The following RBFOX1 variants were observed in gnomAD, a reference collection of about 807,000 sequenced individuals.
RBFOX1 encodes RNA binding protein fox-1 homolog 1.
A neutral mutation model predicts 57.7 loss-of-function variants in RBFOX1; 8 were observed. The observed-to-expected ratio is 0.14, with a 90% CI of 0.08 to 0.25. The LOEUF is 0.25. Among genes scored for constraint, RBFOX1 ranks in the 10% least tolerant of loss-of-function variants. RBFOX1 has a pLI of 1.00. For missense variants in RBFOX1, 611 were observed against 548.5 expected (o/e 1.11, Z -1.14); for synonymous variants, 326 against 222.4 (o/e 1.47, Z -4.15).
At chr16:7,471,316 G>A (rs959078360) in intron 4 of RBFOX1, among the ~76,000 whole-genome samples, 1 of 152,100 alleles carries the variant, frequency 6.6e-6, no homozygotes, top group Non-Finnish European at 1.5e-5. Flanking sequence ...TACCTTGTGA[G>A]TATATCCATA....
chr16:6,450,546 G>T (rs932800809), intron 2 of RBFOX1, among the ~76,000 whole-genome samples: 1 of 150,844 alleles, frequency 6.6e-6, no homozygotes, highest in Admixed American at 6.7e-5. Flanking sequence ...AACATGGAGT[G>T]CTTTGAGGTT....
At chr16:7,194,589 T>G (rs764960487) in intron 4 of RBFOX1, among the ~76,000 whole-genome samples, 7 of 152,166 alleles carry the variant, frequency 4.6e-5, no homozygotes, top group Non-Finnish European at 8.8e-5. Context: ...CCATTCTGTT[T>G]TCTACCCCTT....
At chr16:6,018,673 A>G (rs7192159), upstream of RBFOX1, among the ~76,000 whole-genome samples, 170 of 152,230 alleles carry the variant, frequency 1.1e-3, no homozygotes, top group African/African-American at 3.9e-3. Flanking sequence ...AGATTTGAAG[A>G]CTTGCCAGAA....
At position 7,023,564 on chromosome 16, in the gene RBFOX1, T is replaced by TAAAAAAAAAAAAAAAAAAAA. The variant is rs34056673; in HGVS notation, c.-15-28482_-15-28463dup. 3.7e-3 allele frequency among the ~76,000 whole-genome samples: 161 copies of TAAAAAAAAAAAAAAAAAAAA among 43,918 alleles called. 14 individuals are homozygous for TAAAAAAAAAAAAAAAAAAAA. Among genetic ancestry groups the TAAAAAAAAAAAAAAAAAAAA allele is most frequent in the African/African-American group, 8.6e-3 (96 of 11,186 alleles). 28.8% of individuals were successfully genotyped at this position (43,918 alleles called of 152,430 possible). A position where few individuals can be genotyped will look rare whatever the true frequency, so the allele number is the denominator to read the frequency against. ...CAACATGGTGAAACTTCGTCTGTAC[T>TAAAAAAAAAAAAAAAAAAAA]AAAAAAAAAAAAAAAAAAAAAAAAA... On this transcript the variant is annotated intron_variant, in intron 3 of 15. Transcript: ENST00000550418.
chr16:5,720,860 A>G (rs999168763), intron 3 of RBFOX1, among the ~76,000 whole-genome samples: 5 of 152,182 alleles, frequency 3.3e-5, no homozygotes, highest in Non-Finnish European at 5.9e-5. Context: ...TAAATTGGGA[A>G]GTGTGAGTCT....
chr16:7,419,660 T>C (rs2098520546), intron 4 of RBFOX1, among the ~76,000 whole-genome samples: 1 of 152,240 alleles, frequency 6.6e-6, no homozygotes, highest in South Asian at 2.1e-4. Context: ...AGTTCTTTTA[T>C]CTTTCTTCAA....
chr16:6,229,534 C>T lies in RBFOX1; in HGVS notation c.-126-87461C>T, dbSNP rs144731624. 8.6e-3 allele frequency among the ~76,000 whole-genome samples: 1,305 copies of T among 152,146 alleles called. 12 individuals carry two copies. The highest frequency in any genetic ancestry group is 0.027 in the African/African-American group (1,128 of 41,516). On this transcript the variant is annotated intron_variant, in intron 1 of 15. Coordinates refer to ENST00000550418, the MANE Select transcript of RBFOX1 (RefSeq NM_018723.4). The stretch of plus-strand genomic sequence containing the variant: ...CAATAAAGGATTTTGCTTTTTTGAG[C>T]CGCTCATAAAAAGAGATAAATTGCT...
At chr16:7,508,093 T>A (rs1265650896) in intron 4 of RBFOX1, among the ~76,000 whole-genome samples, 1 of 151,954 alleles carries the variant, frequency 6.6e-6, no homozygotes, top group African/African-American at 2.4e-5. Context: ...TTCAAGCGAT[T>A]CTCGTGCCTC....
chr16:5,692,803 G>T (rs188711711), intron 3 of RBFOX1, among the ~76,000 whole-genome samples: 1 of 152,140 alleles, frequency 6.6e-6, no homozygotes, highest in African/African-American at 2.4e-5. Context: ...GTCCAGGCAA[G>T]AGGGTTGTGC....
At position 5,522,394 on chromosome 16, in the gene RBFOX1, G is replaced by T. The variant is rs996950653; in HGVS notation, c.258+55140G>T. On this transcript the variant is annotated intron_variant, in intron 2 of 2. Coordinates refer to the RBFOX1 transcript ENST00000585867. Reference sequence around the variant, plus strand: ...GAGGAAACGGTGGAGCATCTGTTTAGGAAGCCACATTTTTTAACTGATACA... The same window carrying T: ...GAGGAAACGGTGGAGCATCTGTTTATGAAGCCACATTTTTTAACTGATACA... Among the ~76,000 whole-genome samples the T allele has an allele frequency of 2.0e-5, 3 of 152,190 alleles. No homozygotes were observed. In the East Asian group the frequency reaches 5.8e-4, roughly 29 times the overall value.
At chr16:6,892,111 C>T (rs748139579) in intron 3 of RBFOX1, among the ~76,000 whole-genome samples, 1 of 152,148 alleles carries the variant, frequency 6.6e-6, no homozygotes, top group Non-Finnish European at 1.5e-5. Flanking sequence ...CACGTTGACT[C>T]TTACCCAAGT....
intron 3 of RBFOX1, among the ~76,000 whole-genome samples, chr16:6,682,409 C>T (rs894227013): frequency 1.3e-5 from 2 of 148,468 alleles, no homozygotes; most frequent in Non-Finnish European, 3.0e-5. Flanking sequence ...ATTGTGAAGA[C>T]TAAAAAAAAA....
chr16:7,029,057 TATATATATATATATATATATATATACAC>T (rs1475332305), intron 3 of RBFOX1, among the ~76,000 whole-genome samples: 26 of 21,572 alleles, frequency 1.2e-3, no homozygotes, highest in African/African-American at 6.5e-3. Flanking sequence ...TATATATATA[TATATATATATATATATATATATATACAC>T]ACACACACAC....
chr16:6,978,336 A>G (rs1001148361), intron 3 of RBFOX1, among the ~76,000 whole-genome samples: 1 of 152,190 alleles, frequency 6.6e-6, no homozygotes, highest in Non-Finnish European at 1.5e-5. Flanking sequence ...CCGGTGCTCT[A>G]TTTTGGGCTG....
At chr16:6,047,647 G>T (rs952038840) in intron 1 of RBFOX1, among the ~76,000 whole-genome samples, 1 of 152,182 alleles carries the variant, frequency 6.6e-6, no homozygotes, top group African/African-American at 2.4e-5. Flanking sequence ...TCCCCAAATG[G>T]AATGGTTCAG....
intron 4 of RBFOX1, among the ~76,000 whole-genome samples, chr16:7,492,269 C>T (rs1186223350): frequency 6.6e-6 from 1 of 152,106 alleles, no homozygotes; most frequent in Non-Finnish European, 1.5e-5. Flanking sequence ...TGCAGATTAG[C>T]AGAGAGAATG....
At chr16:6,531,458 T>G (rs906783195) in intron 2 of RBFOX1, among the ~76,000 whole-genome samples, 5 of 152,220 alleles carry the variant, frequency 3.3e-5, no homozygotes, top group Non-Finnish European at 7.3e-5. Context: ...ATGTCCTGAT[T>G]ATGATTACAT....
intron 4 of RBFOX1, among the ~76,000 whole-genome samples, chr16:7,246,070 A>G (rs1294695469): frequency 6.6e-6 from 1 of 152,108 alleles, no homozygotes; most frequent in Non-Finnish European, 1.5e-5. Context: ...ACTGTTAAGT[A>G]TGTTTTTACT....
intron 3 of RBFOX1, among the ~76,000 whole-genome samples, chr16:6,894,854 C>G (rs775004216): frequency 6.6e-6 from 1 of 152,122 alleles, no homozygotes; most frequent in Non-Finnish European, 1.5e-5. Context: ...GGGTTTAATT[C>G]TCTGCCACAG....
Sources: allele counts gnomAD v4.1 joint callset (sites outside exome capture counted in the v4.1 genomes callset), GRCh38; gene constraint gnomAD v4.1.1; transcripts MANE v1.5; gene names NCBI Gene and HGNC (gene_info 2026-07-23, HGNC 2026-07-21).